Variants in SLC39A10 observed in about 807,000 individuals in gnomAD.
SLC39A10 encodes the protein solute carrier family 39 member 10.
A neutral mutation model predicts 65.1 loss-of-function variants in SLC39A10; 13 were observed. The ratio of observed to expected loss-of-function variants is 0.20; its 90% CI spans 0.13 to 0.32. The LOEUF is 0.32. Among genes scored for constraint, SLC39A10 ranks in the 10% least tolerant of loss-of-function variants. The probability of loss-of-function intolerance (pLI) is 1.00; values close to 1 mark genes in which losing one functional copy is unlikely to be tolerated. For missense variants in SLC39A10, 831 were observed against 1,018.4 expected (o/e 0.82, Z 2.50); for synonymous variants, 321 against 342.2 (o/e 0.94, Z 0.68).
chr2:195,693,763 T>C (rs1690834821), intron 3 of SLC39A10, among the ~76,000 whole-genome samples: 1 of 152,222 alleles, frequency 6.6e-6, no homozygotes, highest in South Asian at 2.1e-4. Context: ...TTTGTTTCAT[T>C]TATCTTTTGT....
intron 1 of SLC39A10, among the ~76,000 whole-genome samples, chr2:195,676,619 A>C (rs753880618): frequency 1.3e-5 from 2 of 152,138 alleles, no homozygotes; most frequent in African/African-American, 2.4e-5. Flanking sequence ...AATATTATTG[A>C]TGCTCTTTCA....
At chr2:195,696,380 C>T (rs1179430275) in intron 3 of SLC39A10, among the ~76,000 whole-genome samples, 1 of 150,400 alleles carries the variant, frequency 6.6e-6, no homozygotes, top group Non-Finnish European at 1.5e-5. Flanking sequence ...ATCTGTAAAT[C>T]AACTTGGGCA....
intron 2 of SLC39A10, among the ~76,000 whole-genome samples, chr2:195,623,401 C>T (rs989673765): frequency 5.3e-5 from 8 of 151,882 alleles, no homozygotes; most frequent in Admixed American, 2.6e-4. Context: ...CCCATCCTTA[C>T]GCCGTGTTGT....
In SLC39A10 at chr2:195,735,863, A is replaced by T. The variant is rs1234728325; in HGVS notation, c.*822A>T. 1.7e-5 allele frequency: 2 copies of T among 115,084 alleles called. No homozygotes were observed. Among genetic ancestry groups the T allele is most frequent in the South Asian group, 2.6e-4 (1 of 3,838 alleles). 7.1% of individuals were successfully genotyped at this position (115,084 alleles called of 1,614,324 possible). A position where few individuals can be genotyped will look rare whatever the true frequency, so the allele number is the denominator to read the frequency against. On this transcript the variant is annotated 3_prime_UTR_variant, in exon 10 of 10. Transcript: ENST00000359634. ...AGGGTTTGGAGCATGTGGTCTTTTT[A>T]AAAAATTGTAACCCTCTAGAAAATA...
chr2:195,734,848 T>G (rs773627510), intron 9 of SLC39A10, 35 bp from the exon 10 acceptor site: 11 of 1,560,294 alleles, frequency 7.0e-6, no homozygotes, highest in Non-Finnish European at 9.5e-6. Flanking sequence ...GCAGAAGTAT[T>G]ATACAAAGTT....
intron 3 of SLC39A10, among the ~76,000 whole-genome samples, chr2:195,685,613 T>G (rs1031739391): frequency 6.6e-6 from 1 of 152,184 alleles, no homozygotes. Context: ...TAAACCCCCA[T>G]GCCTGACTGA....
At chr2:195,675,931 T>G (rs1260175529) in intron 1 of SLC39A10, among the ~76,000 whole-genome samples, 1 of 152,226 alleles carries the variant, frequency 6.6e-6, no homozygotes, top group East Asian at 1.9e-4. Flanking sequence ...TAACATCTAG[T>G]ATTGTGAGAT....
At chr2:195,667,026 C>A (rs887961499) in intron 1 of SLC39A10, among the ~76,000 whole-genome samples, 3 of 152,086 alleles carry the variant, frequency 2.0e-5, no homozygotes, top group African/African-American at 4.8e-5. Context: ...GTATAGAATA[C>A]AATAAAGATA....
At chr2:195,634,831 TG>T (rs1688664710) in intron 2 of SLC39A10, among the ~76,000 whole-genome samples, 2 of 152,094 alleles carry the variant, frequency 1.3e-5, no homozygotes, top group African/African-American at 4.8e-5. Flanking sequence ...GTGGATCACT[TG>T]AAGTCAGGAG....
intron 1 of SLC39A10, among the ~76,000 whole-genome samples, chr2:195,672,906 C>G (rs984856376): frequency 1.3e-5 from 2 of 152,158 alleles, no homozygotes; most frequent in Admixed American, 6.5e-5. Context: ...GGGAGTGTAA[C>G]AGGGAGCTAA....
intron 2 of SLC39A10, among the ~76,000 whole-genome samples, chr2:195,682,763 G>T (rs548295606): frequency 1.3e-5 from 2 of 151,672 alleles, no homozygotes; most frequent in African/African-American, 4.8e-5. Flanking sequence ...ATTCTGAAAT[G>T]TTCAATACTT....
At chr2:195,701,921 A>C (rs929159378) in intron 3 of SLC39A10, among the ~76,000 whole-genome samples, 18 of 152,014 alleles carry the variant, frequency 1.2e-4, no homozygotes, top group African/African-American at 4.4e-4. Context: ...GGCTCAGGTA[A>C]TCTCCCATCA....
chr2:195,714,883 G>T (rs1390316615), intron 6 of SLC39A10, among the ~76,000 whole-genome samples: 1 of 152,020 alleles, frequency 6.6e-6, no homozygotes, highest in Non-Finnish European at 1.5e-5. Flanking sequence ...CTCCCGAGTA[G>T]CTGGGACTAC....
At chr2:195,725,094 G>A (rs917598959) in intron 8 of SLC39A10, among the ~76,000 whole-genome samples, 1 of 151,666 alleles carries the variant, frequency 6.6e-6, no homozygotes, top group African/African-American at 2.4e-5. Context: ...AAAAAAGGAA[G>A]AAAGAAAAAT....
intron 1 of SLC39A10, chr2:195,658,371 A>G (rs941691875): frequency 6.6e-6 from 1 of 152,204 alleles, no homozygotes; most frequent in Non-Finnish European, 1.5e-5. Context: ...TCGAGTACCT[A>G]TTCTAAGTAA....
At chr2:195,696,319 G>GAA (rs67651617) in intron 3 of SLC39A10, among the ~76,000 whole-genome samples, 14,194 of 140,572 alleles carry the variant, frequency 0.1, 778 homozygotes, top group South Asian at 0.14. Flanking sequence ...TTTTATTTCT[G>GAA]AAAAAAAAAA....
At position 195,737,470 on chromosome 2, in the gene SLC39A10, T is replaced by TAACAAACA. The variant is rs34084933; in HGVS notation, c.*2435_*2442dup. The TAACAAACA allele has an allele frequency of 6.2e-6, 1 of 160,912 alleles. No individual in the cohort carries two copies. Among genetic ancestry groups the TAACAAACA allele is most frequent in the Non-Finnish European group, 1.4e-5 (1 of 72,888 alleles). The allele number at this position is 160,912 out of a possible 1,614,324, so 10.0% of individuals were successfully genotyped here. A position where few individuals can be genotyped will look rare whatever the true frequency, so the allele number is the denominator to read the frequency against. ...TAGATGCAGTGTGAATTTTTTCCAT[T>TAACAAACA]AACAAACAAACAAGTCAGTGGCTTA... On this transcript the variant is annotated 3_prime_UTR_variant, in exon 10 of 10. Coordinates refer to ENST00000359634, the MANE Select transcript of SLC39A10 (RefSeq NM_020342.3).
At chr2:195,622,094 C>T (rs1257989583) in intron 2 of SLC39A10, among the ~76,000 whole-genome samples, 4 of 152,018 alleles carry the variant, frequency 2.6e-5, no homozygotes, top group Admixed American at 1.3e-4. Context: ...GGCTGGGGGC[C>T]GTGGTTTATG....
At chr2:195,725,438 A>G (rs1433806410) in intron 8 of SLC39A10, among the ~76,000 whole-genome samples, 1 of 152,200 alleles carries the variant, frequency 6.6e-6, no homozygotes, top group African/African-American at 2.4e-5. Flanking sequence ...ACTTGAACAA[A>G]TGTTTCACTG....
Sources: allele counts gnomAD v4.1 joint callset (sites outside exome capture counted in the v4.1 genomes callset), GRCh38; gene constraint gnomAD v4.1.1; transcripts MANE v1.5; gene names NCBI Gene and HGNC (gene_info 2026-07-23, HGNC 2026-07-21).